Variants in TF observed in about 807,000 individuals in gnomAD.
The protein encoded by TF is serotransferrin.
TF carries 55 observed loss-of-function variants against 82.4 expected under a neutral mutation model. The ratio of observed to expected loss-of-function variants is 0.67; its 90% confidence interval spans 0.54 to 0.84. The LOEUF (loss-of-function observed/expected upper bound fraction) is 0.84, where lower values mean the gene tolerates loss of function less well. TF is among the 40% of genes least tolerant of loss of function. The probability of loss-of-function intolerance (pLI) is 0.00; values close to 1 mark genes in which losing one functional copy is unlikely to be tolerated. For missense variants in TF, 737 were observed against 868.4 expected (o/e 0.85, Z 1.90); for synonymous variants, 332 against 332.6 (o/e 1.00, Z 0.02).
the TF span, among the ~76,000 whole-genome samples, chr3:133,721,107 G>A: frequency 6.7e-4 from 102 of 152,044 alleles, no homozygotes; most frequent in African/African-American, 2.4e-3. Flanking sequence ...TCTGCTCAGA[G>A]TTTTATTATT....
At chr3:133,692,012 G>A in the TF span, among the ~76,000 whole-genome samples, 2 of 152,196 alleles carry the variant, frequency 1.3e-5, no homozygotes, top group South Asian at 2.1e-4. Flanking sequence ...CTTCCTGGGC[G>A]ACTGCAAACT....
chr3:133,757,655 G>C, intron 7 of TF, 114 bp from the exon 8 acceptor site: 1 of 1,032,988 alleles, frequency 9.7e-7, no homozygotes, highest in South Asian at 1.3e-5. Context: ...CTCTCTCCTG[G>C]CATCTTGAAC....
At chr3:133,740,895 G>T in the TF span, among the ~76,000 whole-genome samples, 1 of 140,202 alleles carries the variant, frequency 7.1e-6, no homozygotes, top group African/African-American at 2.7e-5. Flanking sequence ...TGTTACCTTA[G>T]GTAGCATTTT....
rs1488462430 is a variant in TF, at chr3:133,782,792, C to G, written c.*4172C>G. 1 of 103,022 alleles carries G rather than the reference C, an allele frequency of 9.7e-6. No individual in the cohort carries two copies. The highest frequency in any genetic ancestry group is 1.9e-5 in the Non-Finnish European group (1 of 51,440). The allele number at this position is 103,022 out of a possible 1,614,324, so 6.4% of individuals were successfully genotyped here. ...GCAACATGACAAAACCCCATCTCTG[C>G]AAAAAAAAAAAAAAAAACAAAAAAA... is the stretch of plus-strand genomic sequence containing the variant. On this transcript the variant is annotated 3_prime_UTR_variant, in exon 17 of 17. Transcript: ENST00000402696.
the TF span, among the ~76,000 whole-genome samples, chr3:133,693,269 T>C: frequency 6.6e-6 from 1 of 152,120 alleles, no homozygotes; most frequent in Admixed American, 6.5e-5. Flanking sequence ...CTAGACACAC[T>C]ATTGGCACCC....
At chr3:133,725,358 G>A in the TF span, among the ~76,000 whole-genome samples, 3 of 151,946 alleles carry the variant, frequency 2.0e-5, no homozygotes, top group Non-Finnish European at 4.4e-5. Context: ...GTTCTCCTTG[G>A]GGAGGTCCTT....
the TF span, among the ~76,000 whole-genome samples, chr3:133,714,585 T>C: frequency 6.6e-6 from 1 of 152,214 alleles, no homozygotes; most frequent in African/African-American, 2.4e-5. Flanking sequence ...CCACAACTTC[T>C]TCCAAAATGA....
rs1327465359 is a variant in TF at position 133,784,876 on chromosome 3, C to T, written c.*6256C>T. On this transcript the variant is annotated 3_prime_UTR_variant, in exon 17 of 17. Transcript: ENST00000402696. ...TTAGAAGACATTTTCATATTCCAAC[C>T]ATTGTTCTGTGTGTGCATTTTATTT... is the stretch of plus-strand genomic sequence containing the variant. 6.6e-6 allele frequency: 1 copy of T among 152,284 alleles called. No homozygotes were observed. The highest frequency in any genetic ancestry group is 1.5e-5 in the Non-Finnish European group (1 of 68,078). The allele number at this position is 152,284 out of a possible 1,614,324, so 9.4% of individuals were successfully genotyped here.
At chr3:133,734,219 C>A in the TF span, among the ~76,000 whole-genome samples, 1 of 152,144 alleles carries the variant, frequency 6.6e-6, no homozygotes, top group Non-Finnish European at 1.5e-5. Context: ...AGCCTAGTAT[C>A]AATGATTCTG....
At chr3:133,768,396 T>C (rs1295339950) in intron 13 of TF, among the ~76,000 whole-genome samples, 2 of 152,336 alleles carry the variant, frequency 1.3e-5, no homozygotes, top group Admixed American at 1.3e-4. Flanking sequence ...AGTTTAGCAG[T>C]TGTCAACGGG....
At chr3:133,719,520 T>C in the TF span, among the ~76,000 whole-genome samples, 1 of 152,156 alleles carries the variant, frequency 6.6e-6, no homozygotes, top group African/African-American at 2.4e-5. Flanking sequence ...CTCCCACTCC[T>C]GTAGTATAGT....
At chr3:133,671,647 C>G in the TF span, among the ~76,000 whole-genome samples, 19 of 151,582 alleles carry the variant, frequency 1.3e-4, no homozygotes, top group African/African-American at 4.1e-4. Context: ...ATAAAAATTA[C>G]CCGGGTGCTC....
At chr3:133,770,374 T>C (rs1934230305) in intron 13 of TF, 134 bp from the exon 14 acceptor site, 1 of 809,714 alleles carries the variant, frequency 1.2e-6, no homozygotes, top group African/African-American at 1.7e-5. Context: ...TTCCTTACAT[T>C]GCTTACTGTT....
chr3:133,710,669 G>T, the TF span, among the ~76,000 whole-genome samples: 1 of 152,238 alleles, frequency 6.6e-6, no homozygotes, highest in South Asian at 2.1e-4. Context: ...CTGCACTTGG[G>T]TGCGGGTCAC....
chr3:133,767,773 G>A (rs971156765), intron 12 of TF, among the ~76,000 whole-genome samples: 4 of 152,084 alleles, frequency 2.6e-5, no homozygotes, highest in Non-Finnish European at 4.4e-5. Context: ...TTTGTTTAGC[G>A]TAGTGATGAC....
the TF span, among the ~76,000 whole-genome samples, chr3:133,717,153 G>A: frequency 1.4e-4 from 22 of 151,928 alleles, no homozygotes; most frequent in South Asian, 1.7e-3. Context: ...ACCTTGCTTC[G>A]TGTCTCTTTT....
At chr3:133,702,545 T>TA in the TF span, among the ~76,000 whole-genome samples, 1 of 151,696 alleles carries the variant, frequency 6.6e-6, no homozygotes, top group Non-Finnish European at 1.5e-5. Flanking sequence ...ACCCTGTCTC[T>TA]AAAAAAATCA....
rs1933502175 is a variant in TF at position 133,746,484 on chromosome 3, G to A, written c.43+1G>A. On this transcript the variant is annotated splice_donor_variant, in intron 1 of 16. Transcript: ENST00000402696. LOFTEE classifies it high-confidence loss of function. Reference sequence around the variant, plus strand: ...GCCCTGCTGGTCTGCGCCGTCCTGGGTGAGTGCGGGCACGGGGTAGCACCG... The same window carrying A: ...GCCCTGCTGGTCTGCGCCGTCCTGGATGAGTGCGGGCACGGGGTAGCACCG... The A allele has an allele frequency of 6.3e-7, 1 of 1,597,722 alleles. No homozygotes were observed. The highest frequency in any genetic ancestry group is 1.1e-5 in the South Asian group (1 of 89,334).
chr3:133,723,778 G>C, the TF span, among the ~76,000 whole-genome samples: 30 of 150,362 alleles, frequency 2.0e-4, no homozygotes, highest in African/African-American at 7.0e-4. Flanking sequence ...TTTAGCATTA[G>C]GTATATCTCC....
Sources: gnomAD v4.1 joint callset for allele counts (sites outside exome capture counted in the v4.1 genomes callset) on GRCh38, gnomAD v4.1.1 for gene constraint, MANE v1.5 for transcripts, NCBI Gene and HGNC (gene_info 2026-07-23, HGNC 2026-07-21) for gene names.